CAVIN2: variants seen among roughly 807,000 people sequenced by gnomAD.
CAVIN2 encodes the protein caveolae-associated protein 2.
Under a neutral mutation model 11.7 loss-of-function variants are expected in CAVIN2, and 13 were observed. That is an observed-to-expected ratio of 1.11 (90% CI 0.72 to 1.77). CAVIN2 has a LOEUF of 1.77. Ranked by LOEUF, CAVIN2 falls within the 40% of genes most tolerant of loss-of-function variation. The pLI is 0.00. For synonymous variants in CAVIN2, 237 were observed against 223.2 expected (o/e 1.06, Z -0.55); for missense variants, 549 against 542.9 (o/e 1.01, Z -0.11).
rs1483539775 is a variant in CAVIN2 at position 191,835,048 on chromosome 2, C to A, written c.*875G>T. 6.6e-6 allele frequency: 1 copy of A among 151,882 alleles called. No individual in the cohort carries two copies. The highest frequency in any genetic ancestry group is 1.5e-5 in the Non-Finnish European group (1 of 67,926). The allele number at this position is 151,882 out of a possible 1,614,324, so 9.4% of individuals were successfully genotyped here. ...TGTCCTTTATTTATTAAGAAAAATACAGCTTTAACACTATAAAATGTTTAT... is the reference window on the plus strand; with the variant it reads ...TGTCCTTTATTTATTAAGAAAAATAAAGCTTTAACACTATAAAATGTTTAT... On this transcript the variant is annotated 3_prime_UTR_variant, in exon 2 of 2. Coordinates refer to ENST00000304141, the MANE Select transcript of CAVIN2 (RefSeq NM_004657.6).
Position 191,836,726 on chromosome 2 carries a change from A to G in CAVIN2, c.484-9T>C. 3.7e-6 allele frequency: 6 copies of G among 1,609,522 alleles called. No homozygotes were observed. Among genetic ancestry groups the G allele is most frequent in the Non-Finnish European group, 5.1e-6 (6 of 1,177,200 alleles). On this transcript the variant is annotated splice_polypyrimidine_tract_variant and intron_variant, in intron 1 of 1. Coordinates refer to ENST00000304141, the MANE Select transcript of CAVIN2 (RefSeq NM_004657.6). ...GGGATCTCATTTTCCTCCTGAAAAGACGGACAATGTAGGTTTCATGTTAAT... is the reference window on the plus strand; with the variant it reads ...GGGATCTCATTTTCCTCCTGAAAAGGCGGACAATGTAGGTTTCATGTTAAT...
chr2:191,836,245 G>C lies in CAVIN2; in HGVS notation c.956C>G (p.Pro319Arg). Residue 319 changes from proline (P) to arginine (R), a missense_variant, in exon 2 of 2, where the codon CCT (proline) becomes CGT (arginine). Coordinates refer to ENST00000304141, the MANE Select transcript of CAVIN2 (RefSeq NM_004657.6). Reference sequence around the variant, plus strand: ...GTCATTTGGCATCTGCTCACTGCTAGGCAGGTCTTCTGACTTGGTCTCATT... The same window carrying C: ...GTCATTTGGCATCTGCTCACTGCTACGCAGGTCTTCTGACTTGGTCTCATT... ...AENETKSEDL[P>R]SSEQMPNDQE... 6.2e-7 allele frequency: 1 copy of C among 1,614,066 alleles called. No homozygotes were observed. Among genetic ancestry groups the C allele is most frequent in the East Asian group, 2.2e-5 (1 of 44,876 alleles).
chr2:191,846,596 C>A lies in CAVIN2; in HGVS notation c.330G>T (p.Thr110=), dbSNP rs115841058. 1 of 1,614,244 alleles carries A rather than the reference C, an allele frequency of 6.2e-7. No homozygotes were observed. The highest frequency in any genetic ancestry group is 8.5e-7 in the Non-Finnish European group (1 of 1,180,044). The change falls in exon 1 of 2, where the codon ACG becomes ACT. Residue 110 remains threonine, a synonymous_variant. Transcript: ENST00000304141. ...GGGACTTCTCCAGCAGCTTGCTCAC[C>A]GTGTTGCTGGTGGAGGCCTGGTACT... ...LSKYQASTSN[T]VSKLLEKSRK... is the part of the protein sequence containing the mutation.
Sources: allele counts gnomAD v4.1 joint callset, GRCh38; gene constraint gnomAD v4.1.1; transcripts MANE v1.5; gene names NCBI Gene and HGNC (gene_info 2026-07-23, HGNC 2026-07-21).